Variants in CHD7 observed in about 807,000 individuals in gnomAD.
The protein encoded by CHD7 is ATP-dependent chromatin remodeler CHD7.
A neutral mutation model predicts 307.3 loss-of-function variants in CHD7; 24 were observed. That is an observed-to-expected ratio of 0.08 (90% CI 0.06 to 0.11). The LOEUF is 0.11. Among genes scored for constraint, CHD7 ranks in the 10% least tolerant of loss-of-function variants. The probability of loss-of-function intolerance (pLI) is 1.00; values close to 1 mark genes in which losing one functional copy is unlikely to be tolerated. For missense variants in CHD7, 3,106 were observed against 3,727.1 expected, an observed-to-expected ratio of 0.83 and a Z score of 4.34; for synonymous variants, 1,363 against 1,349.9, an observed-to-expected ratio of 1.01 and a Z score of -0.21.
Position 60,708,430 on chromosome 8 carries a change from G to C in CHD7, c.-175+29348G>C, listed in dbSNP as rs570474998. 3.3e-5 allele frequency among the ~76,000 whole-genome samples: 5 copies of C among 152,118 alleles called. 1 individual carries two copies. The South Asian group carries it at 1.0e-3, about 32-fold the overall frequency. ...TCAGTGTCTACTGCCTTCTCTTCTG[G>C]ACTCCTGCAGAGACTTCTCAGTCTC... On this transcript the variant is annotated intron_variant, in intron 1 of 37. Coordinates refer to ENST00000423902, the MANE Select transcript of CHD7 (RefSeq NM_017780.4).
At chr8:60,745,255 T>C (rs890366734) in intron 2 of CHD7, among the ~76,000 whole-genome samples, 1 of 152,200 alleles carries the variant, frequency 6.6e-6, no homozygotes, top group African/African-American at 2.4e-5. Context: ...AGCAGTGGTT[T>C]CTCAGACTTC....
rs1487395011 is a variant in CHD7, at chr8:60,800,539, C to G, written c.2376+14C>G. Reference sequence around the variant, plus strand: ...TCAGAACAGCAGGTTAGTACCAGATCTGTGGGATTTATGGATGCATTTTAA... The same window carrying G: ...TCAGAACAGCAGGTTAGTACCAGATGTGTGGGATTTATGGATGCATTTTAA... On this transcript the variant is annotated intron_variant, in intron 5 of 37. Transcript: ENST00000423902. 2 of 1,591,650 alleles carry G rather than the reference C, an allele frequency of 1.3e-6. No individual in the cohort carries two copies. Among genetic ancestry groups the G allele is most frequent in the Non-Finnish European group, 1.7e-6 (2 of 1,170,960 alleles).
chr8:60,688,224 T>TA (rs1322375614), intron 1 of CHD7, among the ~76,000 whole-genome samples: 1 of 152,230 alleles, frequency 6.6e-6, no homozygotes, highest in East Asian at 1.9e-4. Context: ...GTCGGACAGA[T>TA]ACGGGTGTGA....
intron 2 of CHD7, among the ~76,000 whole-genome samples, chr8:60,761,597 G>A (rs1241569331): frequency 1.3e-5 from 2 of 151,780 alleles, no homozygotes; most frequent in African/African-American, 4.8e-5. Flanking sequence ...TGCGAATAGA[G>A]TGGGGGCAAA....
chr8:60,818,233 TC>T (rs1222121575), intron 8 of CHD7, among the ~76,000 whole-genome samples: 2 of 152,222 alleles, frequency 1.3e-5, no homozygotes, highest in African/African-American at 4.8e-5. Flanking sequence ...GCTTTTACAT[TC>T]TTTGTTTCTC....
Position 60,794,994 on chromosome 8 carries a change from A to T in CHD7, c.2105A>T (p.Lys702Ile). 2 of 1,613,096 alleles carry T rather than the reference A, an allele frequency of 1.2e-6. No homozygotes were observed. The highest frequency in any genetic ancestry group is 1.7e-6 in the Non-Finnish European group (2 of 1,179,644). ...TCCACTTTGAATTCTAGTAATAAGA[A>T]ACCTGACTCAGAAGCAAGTGCTTTG... ...PKSSKKSSNK[K>I]PDSEASALKK... The change falls in exon 4 of 38, where the codon AAA becomes ATA. Residue 702 changes from lysine (K) to isoleucine (I), a missense_variant. Lys to Ile is a moderately radical substitution (Grantham distance 102). This residue lies in a region of CHD7 where 998 missense variants were observed against 1,004.5 expected (regional missense o/e 0.99). Transcript: ENST00000423902.
chr8:60,854,690 GA>G (rs571265859), intron 32 of CHD7, among the ~76,000 whole-genome samples, 167 bp downstream of exon 32: 2 of 152,092 alleles, frequency 1.3e-5, no homozygotes, highest in South Asian at 4.1e-4. Flanking sequence ...AAAGCCCAAA[GA>G]AAAAAATTGT....
At chr8:60,748,132 A>G (rs1809425961) in intron 2 of CHD7, among the ~76,000 whole-genome samples, 1 of 152,188 alleles carries the variant, frequency 6.6e-6, no homozygotes, top group African/African-American at 2.4e-5. Flanking sequence ...TGCAGGCAAG[A>G]ATATGCCATG....
rs71245516 is a variant in CHD7, at chr8:60,714,406, G to GCCCCCCCCCCCCCCC, written c.-174-26846_-174-26832dup. ...CTGACAACATGGCGGCCGGGAGAAG[G>GCCCCCCCCCCCCCCC]CCCCCCCCCCCCCCCCCCCCCGCCC... On this transcript the variant is annotated intron_variant, in intron 1 of 37. Transcript: ENST00000423902. Among the ~76,000 whole-genome samples, 19 of 17,626 alleles carry GCCCCCCCCCCCCCCC rather than the reference G, an allele frequency of 1.1e-3. 7 individuals are homozygous for GCCCCCCCCCCCCCCC. The highest frequency in any genetic ancestry group is 1.7e-3 in the African/African-American group (9 of 5,314). 11.6% of individuals were successfully genotyped at this position (17,626 alleles called of 152,430 possible).
intron 8 of CHD7, among the ~76,000 whole-genome samples, chr8:60,817,944 A>G (rs1408967296): frequency 6.6e-6 from 1 of 152,050 alleles, no homozygotes; most frequent in East Asian, 1.9e-4. Flanking sequence ...TATTAAGTTT[A>G]TTTGTATTCT....
chr8:60,745,089 G>C (rs1207352197), intron 2 of CHD7, among the ~76,000 whole-genome samples: 5 of 151,508 alleles, frequency 3.3e-5, no homozygotes, highest in Admixed American at 3.3e-4. Flanking sequence ...ATAACCTCAG[G>C]GCAGAACGCC....
At chr8:60,791,803 GT>G (rs755151601) in intron 3 of CHD7, among the ~76,000 whole-genome samples, 1 of 152,172 alleles carries the variant, frequency 6.6e-6, no homozygotes, top group Non-Finnish European at 1.5e-5. Context: ...CTGTGGGTCT[GT>G]TTGCTTGCTT....
intron 37 of CHD7, 149 bp downstream of exon 37, chr8:60,862,801 T>C: frequency 1.7e-6 from 1 of 581,408 alleles, no homozygotes. Context: ...CATCATTTCA[T>C]ACATCATTAA....
chr8:60,864,455 A>G (rs1450313358), intron 37 of CHD7: 1 of 153,990 alleles, frequency 6.5e-6, no homozygotes, highest in Non-Finnish European at 1.4e-5. Flanking sequence ...TACATTATGT[A>G]CTTTCCTTTT....
At chr8:60,836,566 T>C (rs1404045720) in intron 16 of CHD7, among the ~76,000 whole-genome samples, 1 of 152,220 alleles carries the variant, frequency 6.6e-6, no homozygotes, top group African/African-American at 2.4e-5. Context: ...TATCTTACTG[T>C]TATAGGTGTC....
In CHD7 at chr8:60,816,123, C is replaced by G. The variant is rs1411821864; in HGVS notation, c.2499-264C>G. ...TCTGTCTGTCTGTCTGTCTCTCTCTCTCTCTCTCTCTCTCTCTCTCTCTCT... is the reference window on the plus strand; with the variant it reads ...TCTGTCTGTCTGTCTGTCTCTCTCTGTCTCTCTCTCTCTCTCTCTCTCTCT... On this transcript the variant is annotated intron_variant, in intron 7 of 37. Coordinates refer to ENST00000423902, the MANE Select transcript of CHD7 (RefSeq NM_017780.4). 8.3e-3 allele frequency among the ~76,000 whole-genome samples: 865 copies of G among 104,126 alleles called. 5 individuals are homozygous for G. Among genetic ancestry groups the G allele is most frequent in the South Asian group, 0.015 (44 of 2,894 alleles). 68.3% of individuals were successfully genotyped at this position (104,126 alleles called of 152,430 possible). A position where few individuals can be genotyped will look rare whatever the true frequency, so the allele number is the denominator to read the frequency against.
At chr8:60,801,418 C>A in intron 5 of CHD7, 110 bp from the exon 6 acceptor site, 1 of 747,986 alleles carries the variant, frequency 1.3e-6, no homozygotes, top group South Asian at 1.7e-5. Flanking sequence ...ACTTTGTACC[C>A]AGTGACTTAA....
chr8:60,714,251 A>C (rs569658396), intron 1 of CHD7, among the ~76,000 whole-genome samples: 296 of 152,084 alleles, frequency 1.9e-3, no homozygotes, highest in African/African-American at 6.8e-3. Context: ...GAAGGCCCTC[A>C]TAAGGCCCTC....
At chr8:60,715,896 C>T (rs746723148) in intron 1 of CHD7, among the ~76,000 whole-genome samples, 1 of 152,114 alleles carries the variant, frequency 6.6e-6, no homozygotes, top group Non-Finnish European at 1.5e-5. Flanking sequence ...GTTAACTGTC[C>T]ACGCCCTGTG....
Sources: gnomAD v4.1 joint callset for allele counts (sites outside exome capture counted in the v4.1 genomes callset) on GRCh38, gnomAD v4.1.1 for gene constraint, gnomAD v4.1.1 regional missense constraint, MANE v1.5 for transcripts, NCBI Gene and HGNC (gene_info 2026-07-23, HGNC 2026-07-21) for gene names.